KIFC3: variants seen among roughly 807,000 people sequenced by gnomAD.
KIFC3 encodes kinesin family member C3.
In KIFC3, 60 loss-of-function variants were observed where a neutral mutation model predicts 101.8. The ratio of observed to expected loss-of-function variants is 0.59; its 90% CI spans 0.48 to 0.73. The LOEUF is 0.73. KIFC3 is among the 30% of genes least tolerant of loss of function. The pLI is 0.00. For synonymous variants in KIFC3, 476 were observed against 482.7 expected (o/e 0.99, Z 0.18); for missense variants, 966 against 1,137.1 (o/e 0.85, Z 2.16).
At chr16:57,795,171 A>G (rs1161224853) in intron 2 of KIFC3, 30 bp from the exon 3 acceptor site, 7 of 1,596,540 alleles carry the variant, frequency 4.4e-6, no homozygotes, top group Non-Finnish European at 6.0e-6. Context: ...TAGGTGAGAC[A>G]CTCCGACCAC....
At position 57,760,649 on chromosome 16, in the gene KIFC3, C is replaced by G. The variant is rs576376377; in HGVS notation, c.2232+77G>C. On this transcript the variant is annotated intron_variant, in intron 16 of 19. Coordinates refer to ENST00000445690, the MANE Select transcript of KIFC3 (RefSeq NM_001130100.2). ...GGGGCGGGGAGGTCCATTTGCACAG[C>G]CTGGGGTGACTGGGTCTCACTGCTA... 2.9e-6 allele frequency: 4 copies of G among 1,359,342 alleles called. No homozygotes were observed. In the East Asian group the frequency reaches 9.2e-5, roughly 31 times the overall value. The allele number at this position is 1,359,342 out of a possible 1,614,324, so 84.2% of individuals were successfully genotyped here.
Position 57,802,331 on chromosome 16 carries a change from G to T in KIFC3, c.-40+39C>A. ...AACGGCGGGCCGGGCAGAGCCCAGC[G>T]CCCCGCTCGCACCCAGCCCGCCCGG... On this transcript the variant is annotated intron_variant, in intron 1 of 19. Transcript: ENST00000445690. This position sits in a 1 kb window ranked among gnomAD's most constrained non-coding sequence, Gnocchi z 5.0. The T allele has an allele frequency of 1.1e-6, 1 of 948,326 alleles. No individual in the cohort carries two copies. The highest frequency in any genetic ancestry group is 1.3e-6 in the Non-Finnish European group (1 of 796,964). 58.7% of individuals were successfully genotyped at this position (948,326 alleles called of 1,614,324 possible).
intron 3 of KIFC3, chr16:57,791,177 C>T (rs1265222140): frequency 1.3e-5 from 2 of 152,264 alleles, no homozygotes; most frequent in Non-Finnish European, 2.9e-5. Flanking sequence ...TTGCAGTGCG[C>T]TGAGATTGCA....
In KIFC3 at chr16:57,765,440, C is replaced by G; in HGVS notation, c.1512+19G>C. ...CCTCTCTCCCTTGCTTTCCCTTTCC[C>G]GCATGGGGCCACACTCACGTCCTGC... is the stretch of plus-strand genomic sequence containing the variant. On this transcript the variant is annotated intron_variant, in intron 11 of 19. Transcript: ENST00000445690. The G allele has an allele frequency of 6.4e-7, 1 of 1,557,084 alleles. No homozygotes were observed. The highest frequency in any genetic ancestry group is 1.3e-5 in the African/African-American group (1 of 74,118).
At position 57,764,123 on chromosome 16, in the gene KIFC3, C is replaced by T. The variant is rs1597894879; in HGVS notation, c.1617+20G>A. The T allele has an allele frequency of 1.3e-6, 2 of 1,570,992 alleles. No homozygotes were observed. Among genetic ancestry groups the T allele is most frequent in the Non-Finnish European group, 1.7e-6 (2 of 1,143,420 alleles). ...CTTCATGCTTCACTGTGAACCCCCA[C>T]CCCATTGGGCAGCACCCACCTCCAT... On this transcript the variant is annotated intron_variant, in intron 12 of 19. Coordinates refer to ENST00000445690, the MANE Select transcript of KIFC3 (RefSeq NM_001130100.2).
At chr16:57,807,535 T>G (rs1356007450), upstream of KIFC3, 1 of 152,350 alleles carries the variant, frequency 6.6e-6, no homozygotes, top group South Asian at 2.1e-4. Flanking sequence ...ATATTTAAAC[T>G]AATGGTACTT....
intron 1 of KIFC3, among the ~76,000 whole-genome samples, chr16:57,843,569 A>G (rs1380999279): frequency 6.6e-6 from 1 of 152,016 alleles, no homozygotes; most frequent in African/African-American, 2.4e-5. Flanking sequence ...CCAGAACCTT[A>G]GGAGGCTGAG....
At chr16:57,856,511 G>A (rs866770739) in intron 1 of KIFC3, among the ~76,000 whole-genome samples, 1 of 145,882 alleles carries the variant, frequency 6.9e-6, no homozygotes, top group Non-Finnish European at 1.5e-5. Flanking sequence ...GAGGGAGGAA[G>A]GAAGGGAGGG....
chr16:57,777,446 C>G (rs1160988240), intron 3 of KIFC3, among the ~76,000 whole-genome samples: 2 of 152,220 alleles, frequency 1.3e-5, no homozygotes, highest in Non-Finnish European at 1.5e-5. Flanking sequence ...ATTGGCCAGG[C>G]GCGGTGGCTC....
intron 1 of KIFC3, among the ~76,000 whole-genome samples, chr16:57,835,413 A>T (rs959786717): frequency 2.0e-5 from 3 of 152,328 alleles, no homozygotes; most frequent in Middle Eastern, 3.4e-3. Flanking sequence ...AAGCACTATG[A>T]TAATTTGATA....
intron 1 of KIFC3, among the ~76,000 whole-genome samples, chr16:57,821,869 C>T (rs945683647): frequency 1.3e-5 from 2 of 152,076 alleles, no homozygotes; most frequent in African/African-American, 4.8e-5. Context: ...GGCTTGTTCC[C>T]ACCACTGCAC....
chr16:57,771,445 C>G lies in KIFC3; in HGVS notation c.526-8G>C. The G allele has an allele frequency of 6.2e-7, 1 of 1,613,502 alleles. No homozygotes were observed. Among genetic ancestry groups the G allele is most frequent in the South Asian group, 1.1e-5 (1 of 91,084 alleles). On this transcript the variant is annotated splice_region_variant and splice_polypyrimidine_tract_variant and intron_variant, in intron 5 of 19. Coordinates refer to ENST00000445690, the MANE Select transcript of KIFC3 (RefSeq NM_001130100.2). ...ACGGAGCTGGGCGCTCTCCTGCAGC[C>G]ATTGGGAGGCACTGGATGAGTGCAA...
intron 1 of KIFC3, among the ~76,000 whole-genome samples, chr16:57,822,717 T>A (rs1308189029): frequency 2.0e-5 from 3 of 151,446 alleles, no homozygotes; most frequent in African/African-American, 7.3e-5. Context: ...TAAAATAAAA[T>A]AAAATAATAA....
chr16:57,804,462 T>C (rs2054886971), upstream of KIFC3, among the ~76,000 whole-genome samples: 1 of 152,184 alleles, frequency 6.6e-6, no homozygotes, highest in Non-Finnish European at 1.5e-5. Flanking sequence ...TACTATCAGA[T>C]GCATATGGGT....
chr16:57,828,317 C>T (rs1404059361), intron 1 of KIFC3, among the ~76,000 whole-genome samples: 2 of 152,234 alleles, frequency 1.3e-5, no homozygotes, highest in Non-Finnish European at 2.9e-5. Context: ...GCCACCTGCC[C>T]GGTAAGGCAA....
chr16:57,775,423 G>A, intron 3 of KIFC3: 1 of 1,032,172 alleles, frequency 9.7e-7, no homozygotes, highest in Middle Eastern at 4.5e-4. Context: ...CTCTACTGGG[G>A]GCTAGGTCTC....
chr16:57,848,690 A>G (rs533656341), intron 1 of KIFC3, among the ~76,000 whole-genome samples: 6 of 152,324 alleles, frequency 3.9e-5, no homozygotes, highest in African/African-American at 1.4e-4. Flanking sequence ...GCAGACTGCT[A>G]AAATGTCTCT....
At chr16:57,798,638 T>A (rs973087059) in intron 1 of KIFC3, 1 of 349,242 alleles carries the variant, frequency 2.9e-6, no homozygotes, top group African/African-American at 2.2e-5. Context: ...TCTCCGTAAG[T>A]CTAATCCTTT....
At position 57,795,070 on chromosome 16, in the gene KIFC3, C is replaced by T; in HGVS notation, c.244G>A (p.Ala82Thr). 1 of 1,608,320 alleles carries T rather than the reference C, an allele frequency of 6.2e-7. No homozygotes were observed. The highest frequency in any genetic ancestry group is 1.1e-5 in the South Asian group (1 of 90,454). ...SARSAARPAL[A>T]QCRALSVDWA... is the part of the protein sequence containing the mutation. ...TCCACGCTAAGGGCTCGGCACTGAG[C>T]TAGGGCTGGGCGAGCTGCACTTCGG... The change falls in exon 3 of 20, where the codon GCT becomes ACT. Residue 82 changes from alanine to threonine, a missense_variant. Transcript: ENST00000445690.
Sources: allele counts gnomAD v4.1 joint callset (sites outside exome capture counted in the v4.1 genomes callset), GRCh38; gene constraint gnomAD v4.1.1; non-coding constraint Gnocchi (gnomAD v3.1); transcripts MANE v1.5; gene names NCBI Gene and HGNC (gene_info 2026-07-23, HGNC 2026-07-21).